COL4A2: variants seen among roughly 807,000 people sequenced by gnomAD.
COL4A2 encodes the protein collagen alpha-2(IV) chain.
COL4A2 carries 99 observed loss-of-function variants against 200.2 expected under a neutral mutation model. The ratio of observed to expected loss-of-function variants is 0.49; its 90% CI spans 0.42 to 0.58. COL4A2 has a LOEUF of 0.58. COL4A2 is among the 20% of genes least tolerant of loss of function. The probability of loss-of-function intolerance (pLI) is 0.00; values close to 1 mark genes in which losing one functional copy is unlikely to be tolerated. For synonymous variants in COL4A2, 897 were observed against 900.6 expected (o/e 1.00, Z 0.07); for missense variants, 1,950 against 2,314.1 (o/e 0.84, Z 3.23).
At chr13:110,451,805 ATTC>A (rs1000362474) in intron 20 of COL4A2, among the ~76,000 whole-genome samples, 22 of 152,240 alleles carry the variant, frequency 1.4e-4, no homozygotes, top group African/African-American at 5.3e-4. Context: ...GCCCAAGACA[ATTC>A]TTCTTCCAAT....
chr13:110,335,074 C>G (rs548429777), intron 3 of COL4A2, among the ~76,000 whole-genome samples: 3 of 152,258 alleles, frequency 2.0e-5, no homozygotes, highest in Admixed American at 1.3e-4. Flanking sequence ...GCCGAGCCCC[C>G]AGCCTGTGTC....
In COL4A2 at chr13:110,512,449, C is replaced by T; in HGVS notation, c.*258C>T. Reference sequence around the variant, plus strand: ...CCATCAGCCCTGCTAGACGCACCGCCTGAAGGCACAGCTAACCACTTCGCA... The same window carrying T: ...CCATCAGCCCTGCTAGACGCACCGCTTGAAGGCACAGCTAACCACTTCGCA... On this transcript the variant is annotated 3_prime_UTR_variant, in exon 48 of 48. Transcript: ENST00000360467. 2 of 577,102 alleles carry T rather than the reference C, an allele frequency of 3.5e-6. No individual in the cohort carries two copies. Among genetic ancestry groups the T allele is most frequent in the South Asian group, 4.5e-5 (2 of 44,894 alleles). The allele number at this position is 577,102 out of a possible 1,614,324, so 35.7% of individuals were successfully genotyped here.
intron 3 of COL4A2, among the ~76,000 whole-genome samples, chr13:110,317,145 TACAG>T (rs1428485262): frequency 4.2e-5 from 5 of 118,802 alleles, no homozygotes; most frequent in South Asian, 3.0e-4. Flanking sequence ...CACACACACA[TACAG>T]ACACACAGAT....
At chr13:110,482,716 T>C in intron 32 of COL4A2, 57 bp downstream of exon 32, 2 of 1,550,910 alleles carry the variant, frequency 1.3e-6, no homozygotes, top group South Asian at 1.1e-5. Flanking sequence ...CTCCTTACCC[T>C]TTCTTGGTGG....
intron 47 of COL4A2, among the ~76,000 whole-genome samples, chr13:110,511,639 T>C (rs1283760465): frequency 6.6e-6 from 1 of 152,264 alleles, no homozygotes; most frequent in Admixed American, 6.5e-5. Context: ...ACCGCTCGTA[T>C]CTGCTGTCAC....
chr13:110,432,055 G>A (rs146600449), intron 10 of COL4A2, among the ~76,000 whole-genome samples: 104 of 152,278 alleles, frequency 6.8e-4, no homozygotes, highest in African/African-American at 2.3e-3. Flanking sequence ...AACACAGAGA[G>A]GACATGGGTG....
At chr13:110,403,726 G>A (rs1440385563) in intron 4 of COL4A2, among the ~76,000 whole-genome samples, 3 of 152,072 alleles carry the variant, frequency 2.0e-5, no homozygotes, top group African/African-American at 4.8e-5. Flanking sequence ...CCATTACCCA[G>A]TTCTAAAGCT....
intron 3 of COL4A2, among the ~76,000 whole-genome samples, chr13:110,353,341 A>G (rs1370829856): frequency 3.3e-5 from 5 of 152,192 alleles, no homozygotes; most frequent in African/African-American, 1.2e-4. Flanking sequence ...TAAGGAGTTG[A>G]CAAGAATAGG....
intron 4 of COL4A2, among the ~76,000 whole-genome samples, chr13:110,364,936 T>C (rs1245724281): frequency 1.3e-5 from 2 of 152,242 alleles, no homozygotes; most frequent in Non-Finnish European, 2.9e-5. Context: ...CCTGAAGTAC[T>C]CGCATAGCCA....
chr13:110,452,977 G>T (rs976636853), intron 20 of COL4A2, among the ~76,000 whole-genome samples: 2 of 151,756 alleles, frequency 1.3e-5, no homozygotes, highest in Admixed American at 1.3e-4. Context: ...TGTTGCCCAG[G>T]CTGGTCTTGA....
intron 29 of COL4A2, among the ~76,000 whole-genome samples, chr13:110,476,640 G>A (rs991940494): frequency 3.3e-5 from 5 of 152,234 alleles, no homozygotes; most frequent in East Asian, 3.8e-4. Context: ...GTGAGGCTAC[G>A]TGAGTGTGTG....
In COL4A2 at chr13:110,508,652, C is replaced by G. The variant is rs1192759071; in HGVS notation, c.4881+431C>G. On this transcript the variant is annotated intron_variant, in intron 47 of 47. Coordinates refer to ENST00000360467, the MANE Select transcript of COL4A2 (RefSeq NM_001846.4). This position sits in a 1 kb window ranked among gnomAD's most constrained non-coding sequence, Gnocchi z 6.1. ...GAAGAAATACCTATTAACTGGCTGG[C>G]TTAAAATGGATATATATTCGTGAGG... Among the ~76,000 whole-genome samples the G allele has an allele frequency of 6.6e-6, 1 of 152,166 alleles. No individual in the cohort carries two copies. Among genetic ancestry groups the G allele is most frequent in the Non-Finnish European group, 1.5e-5 (1 of 68,040 alleles).
At position 110,465,674 on chromosome 13, in the gene COL4A2, A is replaced by C. The variant is rs1005756044; in HGVS notation, c.1978+68A>C. Reference sequence around the variant, plus strand: ...ATTCCACGCTTTCCTTTGTCAGTGTAGACGTTTCCCAGTAGAGTCAGATGA... The same window carrying C: ...ATTCCACGCTTTCCTTTGTCAGTGTCGACGTTTCCCAGTAGAGTCAGATGA... On this transcript the variant is annotated intron_variant, in intron 25 of 47. Coordinates refer to ENST00000360467, the MANE Select transcript of COL4A2 (RefSeq NM_001846.4). 3 of 1,379,026 alleles carry C rather than the reference A, an allele frequency of 2.2e-6. No individual in the cohort carries two copies. In the African/African-American group the frequency reaches 4.4e-5, roughly 20 times the overall value. 85.4% of individuals were successfully genotyped at this position (1,379,026 alleles called of 1,614,324 possible).
chr13:110,332,522 T>C (rs1337680944), intron 3 of COL4A2, among the ~76,000 whole-genome samples: 1 of 152,210 alleles, frequency 6.6e-6, no homozygotes, highest in Non-Finnish European at 1.5e-5. Flanking sequence ...CAGCACCTTC[T>C]TCTAGAGCAC....
chr13:110,465,739 G>C (rs1487058843), intron 25 of COL4A2, 133 bp downstream of exon 25: 2 of 931,700 alleles, frequency 2.1e-6, no homozygotes, highest in African/African-American at 3.3e-5. Context: ...ACGTACAAGG[G>C]ATGACCCAAC....
intron 4 of COL4A2, among the ~76,000 whole-genome samples, chr13:110,405,045 G>T (rs1294740883): frequency 6.6e-6 from 1 of 152,174 alleles, no homozygotes; most frequent in African/African-American, 2.4e-5. Context: ...AGCCTAGGAG[G>T]TTGAGGCTGC....
Position 110,307,984 on chromosome 13 carries a change from G to T in COL4A2, c.44+37G>T. ...TCTGCCTGGTCCCCGTGGGTCACGC[G>T]CGCATGGACCCTTCGGTGTAACTCT... On this transcript the variant is annotated intron_variant, in intron 2 of 47. Coordinates refer to ENST00000360467, the MANE Select transcript of COL4A2 (RefSeq NM_001846.4). The surrounding 1 kb of genome is among the most constrained non-coding windows in gnomAD (Gnocchi z 5.0). 6.2e-7 allele frequency: 1 copy of T among 1,611,532 alleles called. No individual in the cohort carries two copies. The highest frequency in any genetic ancestry group is 8.5e-7 in the Non-Finnish European group (1 of 1,178,774).
At chr13:110,489,993 G>C (rs994021290) in intron 36 of COL4A2, among the ~76,000 whole-genome samples, 6 of 152,172 alleles carry the variant, frequency 3.9e-5, no homozygotes, top group Non-Finnish European at 1.5e-5. Context: ...CTCTCTCTCT[G>C]TCTCTCTCTT....
chr13:110,480,378 C>G lies in COL4A2; in HGVS notation c.2746C>G (p.Pro916Ala). ...AGGAATTGATGGAATGCCTGGGACCCCCGGGCTAAAAGGTAATTGTGTGAC... is the reference window on the plus strand; with the variant it reads ...AGGAATTGATGGAATGCCTGGGACCGCCGGGCTAAAAGGTAATTGTGTGAC... Reference protein sequence around the residue: ...FKGIDGMPGTPGLKGDRGSPG... With the variant: ...FKGIDGMPGTAGLKGDRGSPG... Residue 916 changes from proline (P) to alanine (A), a missense_variant, in exon 31 of 48, where the codon CCC (proline) becomes GCC (alanine). Pro to Ala is a conservative substitution (Grantham distance 27). Transcript: ENST00000360467. 6.2e-7 allele frequency: 1 copy of G among 1,611,514 alleles called. No individual in the cohort carries two copies. Among genetic ancestry groups the G allele is most frequent in the Non-Finnish European group, 8.5e-7 (1 of 1,178,964 alleles).
Sources: allele counts gnomAD v4.1 joint callset (sites outside exome capture counted in the v4.1 genomes callset), GRCh38; gene constraint gnomAD v4.1.1; non-coding constraint Gnocchi (gnomAD v3.1); transcripts MANE v1.5; gene names NCBI Gene and HGNC (gene_info 2026-07-23, HGNC 2026-07-21).